BCAT1: variants seen among roughly 807,000 people sequenced by gnomAD.
The protein encoded by BCAT1 is branched-chain-amino-acid aminotransferase, cytosolic.
BCAT1 carries 48 observed loss-of-function variants against 52.4 expected under a neutral mutation model. The ratio of observed to expected loss-of-function variants is 0.92; its 90% CI spans 0.73 to 1.16. The LOEUF (loss-of-function observed/expected upper bound fraction) is 1.16. Among genes scored for constraint, BCAT1 ranks in the 50% most tolerant of loss-of-function variants. The pLI is 0.00. For synonymous variants in BCAT1, 167 were observed against 161.3 expected, an observed-to-expected ratio of 1.04 and a Z score of -0.27; for missense variants, 451 against 457.1, an observed-to-expected ratio of 0.99 and a Z score of 0.12.
chr12:24,928,318 TG>T (rs1181541994), intron 1 of BCAT1, among the ~76,000 whole-genome samples: 1 of 152,170 alleles, frequency 6.6e-6, no homozygotes, highest in Non-Finnish European at 1.5e-5. Context: ...TTTATTGTCC[TG>T]TACCTAACTC....
chr12:24,878,716 C>T, intron 4 of BCAT1, 67 bp from the exon 5 acceptor site: 1 of 1,415,132 alleles, frequency 7.1e-7, no homozygotes, highest in Non-Finnish European at 9.5e-7. Flanking sequence ...AAATGATCCT[C>T]ACTGAAGCAT....
intron 1 of BCAT1, among the ~76,000 whole-genome samples, chr12:24,938,120 G>A (rs1426076302): frequency 6.6e-6 from 1 of 152,170 alleles, no homozygotes; most frequent in African/African-American, 2.4e-5. Context: ...GGGGCCAGAG[G>A]GACTGGGGTG....
At chr12:24,910,005 C>T (rs984209548) in intron 1 of BCAT1, among the ~76,000 whole-genome samples, 4 of 152,170 alleles carry the variant, frequency 2.6e-5, no homozygotes, top group Admixed American at 1.3e-4. Context: ...TGATTAAAAA[C>T]ACATGAGAGA....
In BCAT1 at chr12:24,943,746, T is replaced by A. The variant is rs371689215; in HGVS notation, c.6+5181A>T. Among the ~76,000 whole-genome samples, 493 of 152,126 alleles carry A rather than the reference T, an allele frequency of 3.2e-3. 2 individuals carry two copies. The highest frequency in any genetic ancestry group is 8.1e-3 in the South Asian group (39 of 4,820). On this transcript the variant is annotated intron_variant, in intron 1 of 10. Transcript: ENST00000261192. ...ACGCCTGTAATCCCAGCACCTTGGG[T>A]GGCCGAGGCGGGCAGATCACGAGGT...
chr12:24,939,408 A>G (rs1238444582), intron 1 of BCAT1, among the ~76,000 whole-genome samples: 1 of 152,222 alleles, frequency 6.6e-6, no homozygotes, highest in South Asian at 2.1e-4. Flanking sequence ...GTTACTATGA[A>G]TCATTATAAT....
At chr12:24,877,550 C>G (rs963814280) in intron 5 of BCAT1, among the ~76,000 whole-genome samples, 2 of 152,204 alleles carry the variant, frequency 1.3e-5, no homozygotes, top group African/African-American at 4.8e-5. Flanking sequence ...ACCATCCCAG[C>G]TCTTCAATTT....
chr12:24,916,441 A>C (rs1192101301), intron 1 of BCAT1, among the ~76,000 whole-genome samples: 1 of 152,222 alleles, frequency 6.6e-6, no homozygotes, highest in Non-Finnish European at 1.5e-5. Flanking sequence ...ACTCAAAAAA[A>C]AGACATTCCA....
At position 24,836,709 on chromosome 12, in the gene BCAT1, G is replaced by T; in HGVS notation, c.818-113C>A. On this transcript the variant is annotated intron_variant, in intron 7 of 10. Coordinates refer to ENST00000261192, the MANE Select transcript of BCAT1 (RefSeq NM_005504.7). ...CAATTTTGCTAGCAACAAACATAAA[G>T]AAAATTTTACTGTTCTGCATGATCA... 9 of 891,250 alleles carry T rather than the reference G, an allele frequency of 1.0e-5. No individual in the cohort carries two copies. The South Asian group carries it at 1.4e-4, about 14-fold the overall frequency. 55.2% of individuals were successfully genotyped at this position (891,250 alleles called of 1,614,324 possible).
At chr12:24,886,479 G>A (rs191703207) in intron 3 of BCAT1, among the ~76,000 whole-genome samples, 70 of 152,208 alleles carry the variant, frequency 4.6e-4, no homozygotes, top group Admixed American at 2.2e-3. Context: ...AGTAAAAACG[G>A]TGCTCGATGA....
intron 1 of BCAT1, among the ~76,000 whole-genome samples, chr12:24,914,914 C>CA (rs761403259): frequency 5.7e-4 from 87 of 152,064 alleles, no homozygotes; most frequent in Non-Finnish European, 9.1e-4. Flanking sequence ...AACAAAAACT[C>CA]AAAAAAACAA....
chr12:24,852,375 G>A (rs1941541460), intron 5 of BCAT1, among the ~76,000 whole-genome samples: 1 of 152,022 alleles, frequency 6.6e-6, no homozygotes, highest in Admixed American at 6.6e-5. Context: ...AATTTACCTA[G>A]CTTCTAAGTT....
At chr12:24,819,005 C>T (rs961360787) in intron 10 of BCAT1, among the ~76,000 whole-genome samples, 1 of 152,152 alleles carries the variant, frequency 6.6e-6, no homozygotes, top group Non-Finnish European at 1.5e-5. Context: ...CCCACAGTAA[C>T]TGTACATAGA....
chr12:24,917,195 CTTTTTT>C (rs60491814), intron 1 of BCAT1, among the ~76,000 whole-genome samples: 8,632 of 103,582 alleles, frequency 0.083, 288 homozygotes, highest in Admixed American at 0.13. Context: ...GAGCTTTGGA[CTTTTTT>C]TTTTTTTTTT....
At chr12:24,843,367 C>A (rs1244216534) in intron 6 of BCAT1, among the ~76,000 whole-genome samples, 1 of 152,046 alleles carries the variant, frequency 6.6e-6, no homozygotes, top group Non-Finnish European at 1.5e-5. Context: ...ACTTTAGGAG[C>A]CTAAGATGGG....
chr12:24,887,663 C>G (rs888690799), intron 3 of BCAT1, among the ~76,000 whole-genome samples: 2 of 152,196 alleles, frequency 1.3e-5, no homozygotes, highest in Non-Finnish European at 2.9e-5. Context: ...TATGAGCATT[C>G]ATTTATTAGT....
chr12:24,926,946 A>G (rs1299377321), intron 1 of BCAT1, among the ~76,000 whole-genome samples: 1 of 151,944 alleles, frequency 6.6e-6, no homozygotes, highest in Non-Finnish European at 1.5e-5. Context: ...ACACCCAAGA[A>G]TGATCAATTA....
rs1939811592 is a variant in BCAT1, at chr12:24,814,757, T to C, written c.*3251A>G. 1 of 151,690 alleles carries C rather than the reference T, an allele frequency of 6.6e-6. No individual in the cohort carries two copies. Among genetic ancestry groups the C allele is most frequent in the East Asian group, 1.9e-4 (1 of 5,188 alleles). 9.4% of individuals were successfully genotyped at this position (151,690 alleles called of 1,614,324 possible). A position where few individuals can be genotyped will look rare whatever the true frequency, so the allele number is the denominator to read the frequency against. ...ACATTGCATGTTACCATCTAGCTGA[T>C]GTTACGCTCTGCTTTCTTGCTACTG... On this transcript the variant is annotated 3_prime_UTR_variant, in exon 11 of 11. Coordinates refer to ENST00000261192, the MANE Select transcript of BCAT1 (RefSeq NM_005504.7).
At chr12:24,837,516 T>A in intron 7 of BCAT1, among the ~76,000 whole-genome samples, 1 of 146,398 alleles carries the variant, frequency 6.8e-6, no homozygotes, top group East Asian at 2.1e-4. Context: ...ACCCTCTGCC[T>A]CCCAGGGTCA....
At chr12:24,871,221 C>CAGGCCT (rs1942177249) in intron 5 of BCAT1, among the ~76,000 whole-genome samples, 1 of 152,036 alleles carries the variant, frequency 6.6e-6, no homozygotes, top group Non-Finnish European at 1.5e-5. Context: ...GGGCCTGGGC[C>CAGGCCT]TTTTGCTGGG....
Sources: gnomAD v4.1 joint callset for allele counts (sites outside exome capture counted in the v4.1 genomes callset) on GRCh38, gnomAD v4.1.1 for gene constraint, MANE v1.5 for transcripts, NCBI Gene and HGNC (gene_info 2026-07-23, HGNC 2026-07-21) for gene names.